CNTNAP2: variants seen among roughly 807,000 people sequenced by gnomAD.
CNTNAP2 encodes the protein contactin-associated protein-like 2.
In CNTNAP2, 98 loss-of-function variants were observed where a neutral mutation model predicts 155.2. That is an observed-to-expected ratio of 0.63 (90% confidence interval 0.54 to 0.75). The LOEUF (loss-of-function observed/expected upper bound fraction) is 0.75, where lower values mean the gene tolerates loss of function less well. CNTNAP2 is among the 30% of genes least tolerant of loss of function. The pLI, the probability that CNTNAP2 is intolerant of heterozygous loss-of-function variation, is 0.00. For synonymous variants in CNTNAP2, 651 were observed against 631.2 expected (o/e 1.03, Z -0.47); for missense variants, 1,727 against 1,688.1 (o/e 1.02, Z -0.40).
chr7:148,155,027 G>T (rs902633796), intron 17 of CNTNAP2, among the ~76,000 whole-genome samples: 1 of 152,068 alleles, frequency 6.6e-6, no homozygotes, highest in African/African-American at 2.4e-5. Context: ...TGCCTCAAAA[G>T]CAACCACGTG....
intron 1 of CNTNAP2, among the ~76,000 whole-genome samples, chr7:146,186,540 A>G (rs1031442970): frequency 6.6e-6 from 1 of 152,190 alleles, no homozygotes; most frequent in Non-Finnish European, 1.5e-5. Context: ...CCAGTTTCAT[A>G]TCATAATTAA....
At chr7:147,028,515 G>A (rs1345641589) in intron 3 of CNTNAP2, among the ~76,000 whole-genome samples, 2 of 152,182 alleles carry the variant, frequency 1.3e-5, no homozygotes, top group Non-Finnish European at 2.9e-5. Flanking sequence ...TAGAGGTATA[G>A]CTAATGGAAC....
intron 3 of CNTNAP2, among the ~76,000 whole-genome samples, chr7:146,937,699 G>A (rs1199243747): frequency 2.6e-5 from 4 of 152,176 alleles, no homozygotes; most frequent in African/African-American, 2.4e-5. Flanking sequence ...AAAAATGCAC[G>A]TGTAAGAGAG....
chr7:146,858,171 G>A (rs1185633990), intron 3 of CNTNAP2, among the ~76,000 whole-genome samples: 2 of 152,276 alleles, frequency 1.3e-5, no homozygotes, highest in South Asian at 2.1e-4. Flanking sequence ...AGTCTGAGGA[G>A]GACATGAAGG....
chr7:146,296,439 C>A (rs1800515954), intron 1 of CNTNAP2, among the ~76,000 whole-genome samples: 1 of 152,054 alleles, frequency 6.6e-6, no homozygotes, highest in Non-Finnish European at 1.5e-5. Flanking sequence ...CTGGTGTCTC[C>A]ATGTATTGAC....
At chr7:147,476,048 C>G (rs1798314022) in intron 10 of CNTNAP2, among the ~76,000 whole-genome samples, 1 of 151,888 alleles carries the variant, frequency 6.6e-6, no homozygotes, top group African/African-American at 2.4e-5. Flanking sequence ...ACCTGTTAAG[C>G]TTTAATTTCA....
intron 1 of CNTNAP2, among the ~76,000 whole-genome samples, chr7:146,389,582 T>C (rs1309320622): frequency 6.6e-6 from 1 of 151,694 alleles, no homozygotes; most frequent in Non-Finnish European, 1.5e-5. Flanking sequence ...TTCTTGTTTG[T>C]TTTCTTTCCC....
chr7:146,760,308 A>C (rs1802070229), intron 1 of CNTNAP2, among the ~76,000 whole-genome samples: 1 of 151,910 alleles, frequency 6.6e-6, no homozygotes, highest in Non-Finnish European at 1.5e-5. Flanking sequence ...ATCTGGTTGA[A>C]AAACAAATTC....
intron 8 of CNTNAP2, among the ~76,000 whole-genome samples, chr7:147,152,740 C>G (rs1373516715): frequency 1.3e-5 from 2 of 152,034 alleles, no homozygotes; most frequent in East Asian, 3.9e-4. Context: ...CAAATATATA[C>G]TGTAAACATT....
At chr7:146,617,703 A>G (rs1799249117) in intron 1 of CNTNAP2, among the ~76,000 whole-genome samples, 1 of 152,242 alleles carries the variant, frequency 6.6e-6, no homozygotes. Flanking sequence ...GAATTACACA[A>G]TAAAATTTCA....
chr7:148,224,753 A>T (rs1185557740), intron 19 of CNTNAP2, among the ~76,000 whole-genome samples: 6 of 152,328 alleles, frequency 3.9e-5, no homozygotes, highest in Middle Eastern at 3.4e-3. Flanking sequence ...GCAGTTCCGC[A>T]TGGCTGGGGA....
chr7:146,156,506 C>G (rs1255073559), intron 1 of CNTNAP2, among the ~76,000 whole-genome samples: 1 of 152,144 alleles, frequency 6.6e-6, no homozygotes, highest in Non-Finnish European at 1.5e-5. Flanking sequence ...TTCGCCTATG[C>G]TAAACTTAAT....
chr7:147,191,801 C>A (rs1802685229), intron 8 of CNTNAP2, among the ~76,000 whole-genome samples: 1 of 152,110 alleles, frequency 6.6e-6, no homozygotes, highest in South Asian at 2.1e-4. Flanking sequence ...GTAAACCCTA[C>A]AAATTTCTTA....
At chr7:147,851,750 A>G (rs1472346750) in intron 13 of CNTNAP2, among the ~76,000 whole-genome samples, 3 of 118,904 alleles carry the variant, frequency 2.5e-5, no homozygotes, top group African/African-American at 9.8e-5. Flanking sequence ...TCACACACCA[A>G]GGCCTGTCGT....
At chr7:147,868,265 G>A (rs1032419549) in intron 13 of CNTNAP2, among the ~76,000 whole-genome samples, 1 of 152,138 alleles carries the variant, frequency 6.6e-6, no homozygotes, top group Non-Finnish European at 1.5e-5. Context: ...GTTTTCTTGG[G>A]TATCACCAGC....
intron 3 of CNTNAP2, among the ~76,000 whole-genome samples, chr7:146,846,659 C>A (rs1803847959): frequency 6.6e-6 from 1 of 152,080 alleles, no homozygotes; most frequent in South Asian, 2.1e-4. Flanking sequence ...GGGACAATTT[C>A]TGAGACTCAA....
intron 3 of CNTNAP2, among the ~76,000 whole-genome samples, chr7:146,933,522 G>C (rs1201931600): frequency 6.6e-6 from 1 of 150,720 alleles, no homozygotes; most frequent in East Asian, 1.9e-4. Context: ...CAGGACATAG[G>C]CATGGGCAAG....
intron 15 of CNTNAP2, among the ~76,000 whole-genome samples, chr7:148,035,245 C>T (rs1031693713): frequency 2.0e-5 from 3 of 152,170 alleles, no homozygotes; most frequent in African/African-American, 7.2e-5. Context: ...GGGATTAGTA[C>T]AGCTAGAAAG....
In CNTNAP2 at chr7:146,495,295, C is replaced by T. The variant is rs187656264; in HGVS notation, c.98-278976C>T. Among the ~76,000 whole-genome samples the T allele has an allele frequency of 2.2e-3, 338 of 152,220 alleles. 2 individuals carry two copies. The highest frequency in any genetic ancestry group is 7.6e-3 in the African/African-American group (315 of 41,518). On this transcript the variant is annotated intron_variant, in intron 1 of 23. Transcript: ENST00000361727. Reference sequence around the variant, plus strand: ...TGTCGAGTAAGTAAAGCATACATTACATATTTGTGTGTTTTCTTCGAATTA... The same window carrying T: ...TGTCGAGTAAGTAAAGCATACATTATATATTTGTGTGTTTTCTTCGAATTA...
Sources: allele counts gnomAD v4.1 joint callset (sites outside exome capture counted in the v4.1 genomes callset), GRCh38; gene constraint gnomAD v4.1.1; transcripts MANE v1.5; gene names NCBI Gene and HGNC (gene_info 2026-07-23, HGNC 2026-07-21).